ANAPC1: variants seen among roughly 807,000 people sequenced by gnomAD.
ANAPC1 encodes the protein anaphase-promoting complex subunit 1.
Under a neutral mutation model 208.0 loss-of-function variants are expected in ANAPC1, and 36 were observed. The observed-to-expected ratio is 0.17, with a 90% CI of 0.13 to 0.23. The LOEUF is 0.23. ANAPC1 is among the 10% of genes least tolerant of loss of function. The pLI, the probability that ANAPC1 is intolerant of heterozygous loss-of-function variation, is 1.00. For missense variants in ANAPC1, 942 were observed against 2,011.6 expected (o/e 0.47, Z 10.17); for synonymous variants, 378 against 695.2 (o/e 0.54, Z 7.18).
intron 17 of ANAPC1, among the ~76,000 whole-genome samples, chr2:111,843,077 G>T (rs1006137422): frequency 5.9e-5 from 9 of 152,180 alleles, no homozygotes; most frequent in Non-Finnish European, 1.3e-4. Context: ...AAAAACCACA[G>T]ATCTGTGATT....
At position 111,873,636 on chromosome 2, in the gene ANAPC1, T is replaced by A. The variant is rs1268380218; in HGVS notation, c.404A>T (p.Gln135Leu). The A allele has an allele frequency of 1.9e-6, 3 of 1,585,198 alleles. No individual in the cohort carries two copies. The highest frequency in any genetic ancestry group is 4.5e-5 in the East Asian group (2 of 44,282). Reference sequence around the variant, plus strand: ...ACTGTAGGCCTTTTCAGACTTATCCTGTGATATAATGAAGTCACACCACAA... The same window carrying A: ...ACTGTAGGCCTTTTCAGACTTATCCAGTGATATAATGAAGTCACACCACAA... ...QALWCDFIIS[Q>L]DKSEKAYSSN... is the part of the protein sequence containing the mutation. The change falls in exon 4 of 48, where the codon CAG becomes CTG. Residue 135 changes from glutamine to leucine, a missense_variant. Physicochemically the swap from Gln to Leu is moderately radical, Grantham distance 113. Coordinates refer to ENST00000341068, the MANE Select transcript of ANAPC1 (RefSeq NM_022662.4).
rs1055606193 is a variant in ANAPC1, at chr2:111,834,771, C to A, written c.2217G>T (p.Lys739Asn). 6.2e-7 allele frequency: 1 copy of A among 1,613,092 alleles called. No homozygotes were observed. The highest frequency in any genetic ancestry group is 8.5e-7 in the Non-Finnish European group (1 of 1,179,696). Residue 739 changes from lysine (K) to asparagine (N), a missense_variant, in exon 19 of 48, where the codon AAG becomes AAT. By Grantham distance (94) the Lys-to-Asn change is moderately conservative. Transcript: ENST00000341068. ...CLSPSEASQM[K>N]DEDFSQNLSL... ...TGAGATTCTGTGAAAAATCCTCATC[C>A]TTCATCTGTGAAGCTTCTGAAGGAC...
intron 46 of ANAPC1, among the ~76,000 whole-genome samples, chr2:111,774,196 A>T (rs1676890439): frequency 1.3e-5 from 2 of 151,660 alleles, no homozygotes; most frequent in Admixed American, 1.3e-4. Context: ...AAAAGGGTCA[A>T]CAAAGGAGTG....
rs747819794 is a variant in ANAPC1 at position 111,880,704 on chromosome 2, T to C, written c.122A>G (p.Gln41Arg). The C allele has an allele frequency of 1.2e-5, 20 of 1,613,792 alleles. No individual in the cohort carries two copies. The South Asian group carries it at 2.1e-4, about 17-fold the overall frequency. Residue 41 changes from glutamine to arginine, a missense_variant, in exon 2 of 48, where the codon CAG becomes CGG. Physicochemically the swap from Gln to Arg is conservative, Grantham distance 43. Transcript: ENST00000341068. ...HPNALNLQLRQLQPASELWSS... is the reference protein window; with the variant it reads ...HPNALNLQLRRLQPASELWSS... Reference sequence around the variant, plus strand: ...CCATAATTCAGAAGCTGGCTGCAGCTGGCGAAGTTGAAGGTTCAAAGCATT... The same window carrying C: ...CCATAATTCAGAAGCTGGCTGCAGCCGGCGAAGTTGAAGGTTCAAAGCATT...
In ANAPC1 at chr2:111,839,264, T is replaced by C. The variant is rs182317261; in HGVS notation, c.2041-752A>G. Among the ~76,000 whole-genome samples, 424 of 152,376 alleles carry C rather than the reference T, an allele frequency of 2.8e-3. 2 individuals are homozygous for C. Among genetic ancestry groups the C allele is most frequent in the African/African-American group, 9.6e-3 (400 of 41,596 alleles). ...CCTGTTTATCTGCTAAGCCCTGTTA[T>C]GTAAGCAAGACAGACATTTTTATTG... On this transcript the variant is annotated intron_variant, in intron 17 of 47. Transcript: ENST00000341068.
chr2:111,878,588 T>C (rs1339233007), intron 3 of ANAPC1, among the ~76,000 whole-genome samples: 1 of 152,172 alleles, frequency 6.6e-6, no homozygotes, highest in Non-Finnish European at 1.5e-5. Context: ...AGATTACCAT[T>C]AAAGTGACAA....
chr2:111,855,959 G>T (rs1031938825), intron 13 of ANAPC1, among the ~76,000 whole-genome samples: 3 of 152,090 alleles, frequency 2.0e-5, no homozygotes, highest in African/African-American at 7.2e-5. Flanking sequence ...CTAGCGGCTG[G>T]GCGCGGTGGC....
At chr2:111,831,704 A>G (rs1680142825) in intron 20 of ANAPC1, among the ~76,000 whole-genome samples, 1 of 150,498 alleles carries the variant, frequency 6.6e-6, no homozygotes, top group East Asian at 2.0e-4. Flanking sequence ...AGCTGGGCCT[A>G]GTGGTGCGCA....
At chr2:111,881,704 T>C (rs1411974700) in intron 1 of ANAPC1, among the ~76,000 whole-genome samples, 3 of 152,232 alleles carry the variant, frequency 2.0e-5, no homozygotes, top group East Asian at 1.9e-4. Flanking sequence ...TGTACCTGTT[T>C]ATATATACCA....
intron 3 of ANAPC1, 135 bp downstream of exon 3, chr2:111,878,675 T>A: frequency 7.6e-7 from 1 of 1,309,128 alleles, no homozygotes; most frequent in Non-Finnish European, 1.0e-6. Context: ...CACATTATAT[T>A]ATGTCATGTT....
chr2:111,866,976 C>A (rs1460679378), intron 7 of ANAPC1, among the ~76,000 whole-genome samples: 2 of 152,086 alleles, frequency 1.3e-5, no homozygotes, highest in Admixed American at 1.3e-4. Flanking sequence ...TTTGTTATTT[C>A]CTACAACCCT....
intron 9 of ANAPC1, among the ~76,000 whole-genome samples, chr2:111,862,886 A>G (rs1158365946): frequency 6.6e-6 from 1 of 152,178 alleles, no homozygotes; most frequent in Non-Finnish European, 1.5e-5. Context: ...AAAAAGCTCT[A>G]AACTATGTCC....
In ANAPC1 at chr2:111,824,998, G is replaced by A. The variant is rs370220917; in HGVS notation, c.2780C>T (p.Ala927Val). The A allele has an allele frequency of 8.7e-6, 14 of 1,613,800 alleles. No individual in the cohort carries two copies. In the African/African-American group the frequency reaches 1.6e-4, roughly 18 times the overall value. The change falls in exon 24 of 48, where the codon GCT becomes GTT. Residue 927 changes from alanine (A) to valine (V), a missense_variant. By Grantham distance (64) the Ala-to-Val change is moderately conservative. Transcript: ENST00000341068. ...AGTCATCCAGACAACCAATCTTTCAGCTAGACTAGAAACAGATGTAGAATG... is the reference window on the plus strand; with the variant it reads ...AGTCATCCAGACAACCAATCTTTCAACTAGACTAGAAACAGATGTAGAATG... ...FRHSTSVSSL[A>V]ERLVVWMTNV...
At chr2:111,832,542 C>T (rs898385057) in intron 20 of ANAPC1, among the ~76,000 whole-genome samples, 1 of 152,082 alleles carries the variant, frequency 6.6e-6, no homozygotes, top group African/African-American at 2.4e-5. Context: ...TCTCAAAATG[C>T]GGCTAGTGCA....
intron 2 of ANAPC1, 78 bp from the exon 3 acceptor site, chr2:111,879,049 C>T: frequency 6.7e-7 from 1 of 1,484,032 alleles, no homozygotes; most frequent in Non-Finnish European, 9.0e-7. Flanking sequence ...AATTTATTTG[C>T]CCATGGAGTA....
chr2:111,861,533 C>T (rs550485632), intron 10 of ANAPC1, among the ~76,000 whole-genome samples: 2 of 149,816 alleles, frequency 1.3e-5, no homozygotes, highest in East Asian at 3.9e-4. Context: ...AATACCTATT[C>T]GTCTTTCAAA....
At chr2:111,848,385 A>G (rs1450857030) in intron 14 of ANAPC1, among the ~76,000 whole-genome samples, 2 of 150,058 alleles carry the variant, frequency 1.3e-5, no homozygotes, top group Non-Finnish European at 3.0e-5. Flanking sequence ...TTTGGTGGTA[A>G]GAGGAACATA....
chr2:111,831,543 G>C lies in ANAPC1; in HGVS notation c.2477-109C>G, dbSNP rs969261729. On this transcript the variant is annotated intron_variant, in intron 20 of 47. Transcript: ENST00000341068. ...GTTACTTGTCATTTTGAAACAACTA[G>C]AATAATATTTTTCCAGCTGGGTGCA... The C allele has an allele frequency of 5.0e-6, 5 of 997,486 alleles. No individual in the cohort carries two copies. In the African/African-American group the frequency reaches 8.2e-5, roughly 16 times the overall value. 61.8% of individuals were successfully genotyped at this position (997,486 alleles called of 1,614,324 possible). A position where few individuals can be genotyped will look rare whatever the true frequency, so the allele number is the denominator to read the frequency against.
chr2:111,831,338 G>A lies in ANAPC1; in HGVS notation c.2573C>T (p.Pro858Leu), dbSNP rs1273997025. 2 of 1,611,898 alleles carry A rather than the reference G, an allele frequency of 1.2e-6. No homozygotes were observed. Among genetic ancestry groups the A allele is most frequent in the South Asian group, 1.1e-5 (1 of 90,974 alleles). The change falls in exon 21 of 48, where the codon CCA becomes CTA. Residue 858 changes from proline (P) to leucine (L), a missense_variant. Coordinates refer to ENST00000341068, the MANE Select transcript of ANAPC1 (RefSeq NM_022662.4). The part of the protein sequence containing the change: ...VSSCLKGEGM[P>L]PYPYLPGICE... ...GATTCCAGGGAGGTAAGGATAAGGT[G>A]GCATTCCTTCACCCTTCAGACAAGA...
Sources: allele counts gnomAD v4.1 joint callset (sites outside exome capture counted in the v4.1 genomes callset), GRCh38; gene constraint gnomAD v4.1.1; transcripts MANE v1.5; gene names NCBI Gene and HGNC (gene_info 2026-07-23, HGNC 2026-07-21).